Variants in MFF observed in about 807,000 individuals in gnomAD.
MFF encodes mitochondrial fission factor.
MFF carries 12 observed loss-of-function variants against 36.9 expected under a neutral mutation model. The ratio of observed to expected loss-of-function variants is 0.33; its 90% CI spans 0.21 to 0.53. MFF has a LOEUF of 0.53. MFF is among the 20% of genes least tolerant of loss of function. The probability of loss-of-function intolerance (pLI) is 0.95; values close to 1 mark genes in which losing one functional copy is unlikely to be tolerated. For synonymous variants in MFF, 99 were observed against 126.2 expected (o/e 0.78, Z 1.44); for missense variants, 348 against 366.6 (o/e 0.95, Z 0.42).
intron 8 of MFF, 55 bp from the exon 9 acceptor site, chr2:227,356,931 C>A: frequency 7.6e-7 from 1 of 1,321,150 alleles, no homozygotes; most frequent in Non-Finnish European, 1.1e-6. Context: ...AATCTGATTG[C>A]CCTATTCATT....
chr2:227,354,727 G>C (rs1299184046), intron 7 of MFF, among the ~76,000 whole-genome samples: 2 of 150,762 alleles, frequency 1.3e-5, no homozygotes, highest in African/African-American at 4.9e-5. Context: ...TGTCTTAATG[G>C]TTTTTCAGTA....
chr2:227,332,697 C>A, intron 4 of MFF, 109 bp downstream of exon 4: 1 of 692,652 alleles, frequency 1.4e-6, no homozygotes, highest in Non-Finnish European at 2.3e-6. Flanking sequence ...GAAAGCTTTC[C>A]ATATGGAACA....
rs549057013 is a variant in MFF, at chr2:227,337,265, T to C, written c.352-3027T>C. On this transcript the variant is annotated intron_variant, in intron 4 of 8. Transcript: ENST00000304593. ...TGTCCTTCCCAAAACCCGCAGTCAC[T>C]GGCTTAACTGTTCTCCCCATGATTC... 1.1e-4 allele frequency among the ~76,000 whole-genome samples: 16 copies of C among 152,372 alleles called. No homozygotes were observed. In the East Asian group the frequency reaches 2.3e-3, roughly 22 times the overall value.
chr2:227,347,187 G>C, intron 5 of MFF, 39 bp from the exon 6 acceptor site: 1 of 1,583,354 alleles, frequency 6.3e-7, no homozygotes, highest in Non-Finnish European at 8.6e-7. Context: ...AATCTGACTT[G>C]AGTGTTTTTC....
chr2:227,343,003 A>AC (rs1196758850), intron 5 of MFF, among the ~76,000 whole-genome samples: 2 of 152,120 alleles, frequency 1.3e-5, no homozygotes, highest in African/African-American at 4.8e-5. Flanking sequence ...AGGAAAAAAA[A>AC]AAACTAGACC....
Position 227,332,463 on chromosome 2 carries a change from C to T in MFF, c.226C>T (p.Leu76Phe), listed in dbSNP as rs778753054. The change falls in exon 4 of 9, where the codon CTT becomes TTT. Residue 76 changes from leucine (L) to phenylalanine (F), a missense_variant. Leu to Phe is a conservative substitution (Grantham distance 22). Transcript: ENST00000304593. The stretch of plus-strand genomic sequence containing the variant: ...ATTTTCAAGACCAGCAGATCTTGAC[C>T]TTATTCAGTCAACTCCCTTTAAACC... ...VSFSRPADLD[L>F]IQSTPFKPLA... is the part of the protein sequence containing the mutation. 5 of 1,613,388 alleles carry T rather than the reference C, an allele frequency of 3.1e-6. No individual in the cohort carries two copies. The East Asian group carries it at 8.9e-5, about 29-fold the overall frequency.
intron 5 of MFF, among the ~76,000 whole-genome samples, chr2:227,344,988 C>A (rs2075632252): frequency 6.6e-6 from 1 of 151,908 alleles, no homozygotes; most frequent in Non-Finnish European, 1.5e-5. Flanking sequence ...AAGGTTTTTT[C>A]TCATTGTATT....
chr2:227,346,157 G>T, intron 5 of MFF: 1 of 166,724 alleles, frequency 6.0e-6, no homozygotes. Context: ...TGTTAGAAAA[G>T]ATTACACAGT....
Position 227,355,660 on chromosome 2 carries a change from C to T in MFF, c.660-17C>T, listed in dbSNP as rs773659917. 6.7e-7 allele frequency: 1 copy of T among 1,499,264 alleles called. No homozygotes were observed. The allele number at this position is 1,499,264 out of a possible 1,614,324, so 92.9% of individuals were successfully genotyped here. On this transcript the variant is annotated splice_polypyrimidine_tract_variant and intron_variant, in intron 7 of 8. Transcript: ENST00000304593. Reference sequence around the variant, plus strand: ...TCTACTTTACTATTCATTTGTATTTCTATCTCTTATCTGCAGGTATGGCAT... The same window carrying T: ...TCTACTTTACTATTCATTTGTATTTTTATCTCTTATCTGCAGGTATGGCAT...
chr2:227,341,041 A>T (rs2106400551), intron 5 of MFF, among the ~76,000 whole-genome samples: 1 of 152,266 alleles, frequency 6.6e-6, no homozygotes, highest in East Asian at 1.9e-4. Context: ...CATGAACCAC[A>T]TGTGATGGCA....
chr2:227,353,444 G>T (rs1291902159), intron 7 of MFF, among the ~76,000 whole-genome samples: 4 of 152,162 alleles, frequency 2.6e-5, no homozygotes, highest in African/African-American at 9.7e-5. Flanking sequence ...AGCATTAGCT[G>T]CTCATTAAAA....
In MFF at chr2:227,355,688, C is replaced by T; in HGVS notation, c.671C>T (p.Ser224Leu). The change falls in exon 8 of 9, where the codon TCA becomes TTA. Residue 224 changes from serine to leucine, a missense_variant. Ser to Leu is a moderately radical substitution (Grantham distance 145). Coordinates refer to ENST00000304593, the MANE Select transcript of MFF (RefSeq NM_001277062.2). ...TCTCTTATCTGCAGGTATGGCATTT[C>T]AAATATAGATACAACCATTGAAGGA... ...PHHDNVRYGISNIDTTIEGTS... is the reference protein window; with the variant it reads ...PHHDNVRYGILNIDTTIEGTS... The T allele has an allele frequency of 6.2e-7, 1 of 1,606,204 alleles. No homozygotes were observed. Among genetic ancestry groups the T allele is most frequent in the Non-Finnish European group, 8.5e-7 (1 of 1,173,190 alleles).
chr2:227,335,756 CAT>C (rs1286733531), intron 4 of MFF, among the ~76,000 whole-genome samples: 2 of 152,158 alleles, frequency 1.3e-5, no homozygotes, highest in Non-Finnish European at 2.9e-5. Flanking sequence ...GGGCTTAAAA[CAT>C]AACATAAATA....
chr2:227,343,213 C>T (rs1297772110), intron 5 of MFF, among the ~76,000 whole-genome samples: 1 of 150,750 alleles, frequency 6.6e-6, no homozygotes, highest in Non-Finnish European at 1.5e-5. Context: ...CTTCTTCTAT[C>T]TTGTTTCTGA....
intron 1 of MFF, among the ~76,000 whole-genome samples, chr2:227,328,139 G>A (rs184717718): frequency 6.6e-6 from 1 of 152,072 alleles, no homozygotes; most frequent in African/African-American, 2.4e-5. Context: ...AGGAGACGAA[G>A]GCCAGAGGAT....
At chr2:227,326,485 A>G (rs2074147504) in intron 1 of MFF, among the ~76,000 whole-genome samples, 1 of 152,176 alleles carries the variant, frequency 6.6e-6, no homozygotes. Flanking sequence ...TTTTGGTTTC[A>G]AAGGCTTGTA....
chr2:227,351,957 G>A (rs1004657974), intron 6 of MFF: 2 of 152,470 alleles, frequency 1.3e-5, no homozygotes, highest in African/African-American at 4.8e-5. Context: ...AGAGCTGAGA[G>A]TTTGAATGAG....
chr2:227,331,671 C>G (rs1186623435), intron 3 of MFF, among the ~76,000 whole-genome samples: 3 of 152,196 alleles, frequency 2.0e-5, no homozygotes, highest in Non-Finnish European at 2.9e-5. Flanking sequence ...TATTGTCAGT[C>G]TTTTTAATTT....
chr2:227,326,137 A>G (rs960695141), intron 1 of MFF, among the ~76,000 whole-genome samples: 11 of 151,228 alleles, frequency 7.3e-5, no homozygotes, highest in African/African-American at 2.2e-4. Context: ...ACCCCTGTCT[A>G]CCTCCCACAA....
Sources: gnomAD v4.1 joint callset for allele counts (sites outside exome capture counted in the v4.1 genomes callset) on GRCh38, gnomAD v4.1.1 for gene constraint, MANE v1.5 for transcripts, NCBI Gene and HGNC (gene_info 2026-07-23, HGNC 2026-07-21) for gene names.